Variants in SLC30A9 observed in about 807,000 individuals in gnomAD.
SLC30A9 encodes the protein proton-coupled zinc antiporter SLC30A9, mitochondrial.
SLC30A9 carries 58 observed loss-of-function variants against 87.5 expected under a neutral mutation model. The ratio of observed to expected loss-of-function variants is 0.66; its 90% CI spans 0.54 to 0.82. The LOEUF (loss-of-function observed/expected upper bound fraction) is 0.82, where lower values mean the gene tolerates loss of function less well. SLC30A9 is among the 40% of genes least tolerant of loss of function. SLC30A9 has a pLI of 0.00. For synonymous variants in SLC30A9, 234 were observed against 233.0 expected, an observed-to-expected ratio of 1.00 and a Z score of -0.04; for missense variants, 557 against 679.1, an observed-to-expected ratio of 0.82 and a Z score of 2.00.
chr4:42,065,896 C>T (rs1718061035), intron 12 of SLC30A9, among the ~76,000 whole-genome samples: 1 of 152,070 alleles, frequency 6.6e-6, no homozygotes, highest in South Asian at 2.1e-4. Flanking sequence ...TACCATAATA[C>T]TCAAAACATT....
At chr4:42,077,332 T>C (rs890952687) in intron 16 of SLC30A9, among the ~76,000 whole-genome samples, 2 of 152,216 alleles carry the variant, frequency 1.3e-5, no homozygotes, top group African/African-American at 2.4e-5. Context: ...TCCTCTACAT[T>C]GCTCCCTGAT....
intron 1 of SLC30A9, among the ~76,000 whole-genome samples, chr4:41,992,146 GA>G (rs1714470687): frequency 6.6e-6 from 1 of 151,936 alleles, no homozygotes; most frequent in Admixed American, 6.6e-5. Flanking sequence ...GGAGTTCCAA[GA>G]CCAGCCCGGG....
chr4:42,044,386 C>CAAAAAAAAAAAAAAAAAAA (rs57572080), intron 8 of SLC30A9, among the ~76,000 whole-genome samples: 11 of 98,726 alleles, frequency 1.1e-4, no homozygotes, highest in African/African-American at 3.5e-4. Flanking sequence ...AAATGGAAAG[C>CAAAAAAAAAAAAAAAAAAA]AAAAAAAAAA....
intron 2 of SLC30A9, among the ~76,000 whole-genome samples, chr4:42,008,946 G>T (rs182977303): frequency 1.2e-4 from 18 of 152,284 alleles, no homozygotes; most frequent in Admixed American, 4.6e-4. Flanking sequence ...TTTATGCAAT[G>T]AAAGAATGCA....
intron 9 of SLC30A9, among the ~76,000 whole-genome samples, chr4:42,053,675 G>A (rs1717475474): frequency 9.2e-6 from 1 of 108,220 alleles, no homozygotes; most frequent in South Asian, 3.3e-4. Context: ...CAGCCTGGAT[G>A]ACAAGAGTGA....
chr4:42,036,285 C>T (rs1577699571), intron 7 of SLC30A9, among the ~76,000 whole-genome samples: 1 of 152,198 alleles, frequency 6.6e-6, no homozygotes, highest in African/African-American at 2.4e-5. Context: ...TTCATCACCT[C>T]ATCTTTTCAT....
At chr4:42,010,268 T>G (rs1414079389) in intron 2 of SLC30A9, among the ~76,000 whole-genome samples, 1 of 151,670 alleles carries the variant, frequency 6.6e-6, no homozygotes, top group Non-Finnish European at 1.5e-5. Flanking sequence ...AGGTCAGGAG[T>G]TTGAGACCAG....
chr4:42,029,578 AT>A (rs1560543717), intron 6 of SLC30A9: 1 of 697,940 alleles, frequency 1.4e-6, no homozygotes, highest in South Asian at 1.6e-5. Flanking sequence ...GGATGACATG[AT>A]TTTTGAAAAT....
chr4:42,006,116 G>A (rs920460592), intron 2 of SLC30A9, among the ~76,000 whole-genome samples: 1 of 152,164 alleles, frequency 6.6e-6, no homozygotes, highest in Non-Finnish European at 1.5e-5. Context: ...GGTATTATAA[G>A]TAATCTAGAG....
At chr4:42,031,657 A>G (rs1716443097) in intron 6 of SLC30A9, among the ~76,000 whole-genome samples, 1 of 152,250 alleles carries the variant, frequency 6.6e-6, no homozygotes, top group South Asian at 2.1e-4. Context: ...ATGATAAGGA[A>G]TACTAACTGA....
At chr4:42,067,591 T>G (rs1441539863) in intron 14 of SLC30A9, among the ~76,000 whole-genome samples, 1 of 152,236 alleles carries the variant, frequency 6.6e-6, no homozygotes, top group Non-Finnish European at 1.5e-5. Flanking sequence ...TAAATATACA[T>G]AGGTCCTCAA....
At chr4:42,020,564 A>G (rs1432757919) in intron 4 of SLC30A9, 49 bp downstream of exon 4, 1 of 1,045,228 alleles carries the variant, frequency 9.6e-7, no homozygotes. Context: ...AATAATCTAA[A>G]TAACTATTCC....
intron 7 of SLC30A9, 93 bp from the exon 8 acceptor site, chr4:42,038,893 A>G (rs140535098): frequency 4.0e-4 from 291 of 728,750 alleles, no homozygotes; most frequent in Non-Finnish European, 6.1e-4. Context: ...AAGTTTTGAT[A>G]GAGGAAAATG....
chr4:42,003,073 C>T lies in SLC30A9; in HGVS notation c.274+1293C>T, dbSNP rs946394649. 2.0e-5 allele frequency among the ~76,000 whole-genome samples: 3 copies of T among 152,106 alleles called. No individual in the cohort carries two copies. In the South Asian group the frequency reaches 6.2e-4, roughly 32 times the overall value. ...TATTATTTGTAAATCTAAATGTATT[C>T]TTATTTCTATTGTGATTCTTCTATG... On this transcript the variant is annotated intron_variant, in intron 2 of 17. Coordinates refer to ENST00000264451, the MANE Select transcript of SLC30A9 (RefSeq NM_006345.4).
At chr4:42,033,092 A>G (rs1443946359) in intron 6 of SLC30A9, among the ~76,000 whole-genome samples, 2 of 152,032 alleles carry the variant, frequency 1.3e-5, no homozygotes, top group East Asian at 3.8e-4. Context: ...GTCACTTAAA[A>G]TTTTTCTATA....
At chr4:42,032,574 C>T (rs1209920595) in intron 6 of SLC30A9, among the ~76,000 whole-genome samples, 1 of 152,006 alleles carries the variant, frequency 6.6e-6, no homozygotes, top group Non-Finnish European at 1.5e-5. Flanking sequence ...GTCAATAACC[C>T]AGGAAGAAAA....
In SLC30A9 at chr4:42,004,866, C is replaced by A. The variant is rs540863225; in HGVS notation, c.274+3086C>A. On this transcript the variant is annotated intron_variant, in intron 2 of 17. Transcript: ENST00000264451. ...ACAAGGTCTCCCTGTGTTGCCCAGGCTGGTCTTGAACTCCTGGGCTCAAGC... is the reference window on the plus strand; with the variant it reads ...ACAAGGTCTCCCTGTGTTGCCCAGGATGGTCTTGAACTCCTGGGCTCAAGC... Among the ~76,000 whole-genome samples the A allele has an allele frequency of 3.3e-3, 497 of 152,024 alleles. 1 individual carries two copies. Among genetic ancestry groups the A allele is most frequent in the African/African-American group, 0.012 (479 of 41,482 alleles).
intron 9 of SLC30A9, 29 bp from the exon 10 acceptor site, chr4:42,060,162 T>G: frequency 6.3e-7 from 1 of 1,574,964 alleles, no homozygotes; most frequent in Non-Finnish European, 8.7e-7. Context: ...TGCTAATGAT[T>G]ATTCACCTTT....
chr4:42,004,789 A>C (rs1365928292), intron 2 of SLC30A9, among the ~76,000 whole-genome samples: 1 of 151,566 alleles, frequency 6.6e-6, no homozygotes, highest in Non-Finnish European at 1.5e-5. Context: ...GTAGCTGAGA[A>C]AACAGGTGTG....
Sources: gnomAD v4.1 joint callset for allele counts (sites outside exome capture counted in the v4.1 genomes callset) on GRCh38, gnomAD v4.1.1 for gene constraint, MANE v1.5 for transcripts, NCBI Gene and HGNC (gene_info 2026-07-23, HGNC 2026-07-21) for gene names.